Variants in ADAM20 observed in about 807,000 individuals in gnomAD.
ADAM20 encodes the protein ADAM metallopeptidase domain 20.
For synonymous variants in ADAM20, 305 were observed against 310.2 expected, an observed-to-expected ratio of 0.98 and a Z score of 0.18; for missense variants, 871 against 883.2, an observed-to-expected ratio of 0.99 and a Z score of 0.18.
At chr14:70,543,504 T>C in the ADAM20 span, among the ~76,000 whole-genome samples, 2 of 152,190 alleles carry the variant, frequency 1.3e-5, no homozygotes, top group Admixed American at 1.3e-4. Flanking sequence ...GGGTCTAGTA[T>C]GAAACACTGC....
chr14:70,576,458 G>C, the ADAM20 span, among the ~76,000 whole-genome samples: 1 of 152,042 alleles, frequency 6.6e-6, no homozygotes, highest in Non-Finnish European at 1.5e-5. Flanking sequence ...GAATAGGAAA[G>C]AAAATTAATC....
chr14:70,561,714 G>C, the ADAM20 span, among the ~76,000 whole-genome samples: 1 of 152,196 alleles, frequency 6.6e-6, no homozygotes, highest in African/African-American at 2.4e-5. Context: ...GGCTAAAAGG[G>C]GCCAAAGTAC....
chr14:70,536,425 C>T (rs1357241889), upstream of ADAM20, among the ~76,000 whole-genome samples: 2 of 116,354 alleles, frequency 1.7e-5, no homozygotes, highest in South Asian at 2.9e-4. Context: ...TAGATCACAA[C>T]ATTGCACTCC....
Position 70,523,496 on chromosome 14 carries a change from C to T in ADAM20, c.1262G>A (p.Cys421Tyr), listed in dbSNP as rs766018043. ...GNLVVEEGEE[C>Y]DCGTIRQCAK... ...ACACTGCCGTATGGTTCCACAGTCA[C>T]ATTCCTCCCCTTCTTCAACCACTAG... Residue 421 changes from cysteine to tyrosine, a missense_variant, in exon 2 of 2, where the codon TGT becomes TAT. Physicochemically the swap from Cys to Tyr is radical, Grantham distance 194. Transcript: ENST00000256389. The T allele has an allele frequency of 1.2e-5, 20 of 1,613,992 alleles. No individual in the cohort carries two copies. Among genetic ancestry groups the T allele is most frequent in the Non-Finnish European group, 1.6e-5 (19 of 1,179,982 alleles).
the ADAM20 span, among the ~76,000 whole-genome samples, chr14:70,548,495 T>C: frequency 0.71 from 10 of 14 alleles, 4 homozygotes; most frequent in African/African-American, 0.9. Flanking sequence ...GCTCGAGAAC[T>C]ACGTGAAGAA....
At chr14:70,576,220 C>T in the ADAM20 span, among the ~76,000 whole-genome samples, 1 of 152,040 alleles carries the variant, frequency 6.6e-6, no homozygotes, top group South Asian at 2.1e-4. Flanking sequence ...AAAAGTAAAA[C>T]TTTACTAACA....
At chr14:70,559,312 CTTT>C in the ADAM20 span, among the ~76,000 whole-genome samples, 217 of 147,952 alleles carry the variant, frequency 1.5e-3, no homozygotes, top group African/African-American at 4.6e-3. Flanking sequence ...TCCTTAATTC[CTTT>C]TTTTTTTCAT....
chr14:70,572,294 A>G, the ADAM20 span, among the ~76,000 whole-genome samples: 5 of 152,314 alleles, frequency 3.3e-5, no homozygotes, highest in African/African-American at 1.2e-4. Context: ...AAATAAAGCC[A>G]CACCTCTACA....
At chr14:70,577,007 T>A in the ADAM20 span, among the ~76,000 whole-genome samples, 1 of 151,952 alleles carries the variant, frequency 6.6e-6, no homozygotes, top group Non-Finnish European at 1.5e-5. Context: ...AAGAAAAGGG[T>A]AAGAAAGCCT....
At chr14:70,575,112 C>G in the ADAM20 span, among the ~76,000 whole-genome samples, 2 of 151,504 alleles carry the variant, frequency 1.3e-5, no homozygotes, top group East Asian at 3.8e-4. Context: ...TTCTAGAGAT[C>G]TGCTGCACAA....
chr14:70,578,780 T>C, the ADAM20 span, among the ~76,000 whole-genome samples: 2 of 152,120 alleles, frequency 1.3e-5, no homozygotes, highest in Admixed American at 6.6e-5. Context: ...GGACTTCTAA[T>C]GATGCTGTTG....
chr14:70,566,926 G>A, the ADAM20 span, among the ~76,000 whole-genome samples: 1 of 152,166 alleles, frequency 6.6e-6, no homozygotes, highest in South Asian at 2.1e-4. Context: ...AGGTTGCAGT[G>A]AGCCAAGATC....
chr14:70,548,966 C>A, the ADAM20 span, among the ~76,000 whole-genome samples: 9 of 106,134 alleles, frequency 8.5e-5, no homozygotes, highest in Admixed American at 7.9e-4. Flanking sequence ...TCGGCAGAAA[C>A]CCTACAAGCC....
rs1182280598 is a variant in ADAM20, at chr14:70,523,089, G to C, written c.1669C>G (p.Pro557Ala). The change falls in exon 2 of 2, where the codon CCT (proline) becomes GCT (alanine). Residue 557 changes from proline to alanine, a missense_variant. Pro to Ala is a conservative substitution (Grantham distance 27, BLOSUM62 -1). Transcript: ENST00000256389. Reference sequence around the variant, plus strand: ...TGAACCCTCCCACACATGATATCAGGGGTCCAACATTTTACATATGTTGTG... The same window carrying C: ...TGAACCCTCCCACACATGATATCAGCGGTCCAACATTTTACATATGTTGTG... ...VGTTYVKCWT[P>A]DIMCGRVQCE... The C allele has an allele frequency of 2.5e-6, 4 of 1,613,698 alleles. No homozygotes were observed. The highest frequency in any genetic ancestry group is 3.4e-6 in the Non-Finnish European group (4 of 1,179,928).
chr14:70,573,857 A>G, the ADAM20 span, among the ~76,000 whole-genome samples: 12 of 152,240 alleles, frequency 7.9e-5, no homozygotes, highest in African/African-American at 2.7e-4. Flanking sequence ...ACCCAACATC[A>G]GGGCACCTAA....
At chr14:70,544,837 T>G in the ADAM20 span, among the ~76,000 whole-genome samples, 2 of 152,086 alleles carry the variant, frequency 1.3e-5, no homozygotes, top group African/African-American at 4.8e-5. Context: ...CAATTAAAAA[T>G]AAATTTTCAA....
chr14:70,535,389 G>A, upstream of ADAM20, among the ~76,000 whole-genome samples: 1 of 152,150 alleles, frequency 6.6e-6, no homozygotes, highest in East Asian at 1.9e-4. Context: ...GATACGTCAA[G>A]GGAAAGGGAA....
chr14:70,535,845 T>C (rs1425829993), upstream of ADAM20, among the ~76,000 whole-genome samples: 3 of 152,198 alleles, frequency 2.0e-5, no homozygotes, highest in Non-Finnish European at 2.9e-5. Context: ...GGATATACTT[T>C]ATAGAATGAA....
the ADAM20 span, among the ~76,000 whole-genome samples, chr14:70,549,152 A>C: frequency 1.1e-5 from 1 of 88,666 alleles, no homozygotes; most frequent in Non-Finnish European, 2.1e-5. Context: ...CTCCTGAAGG[A>C]AGCGCTAAAC....
Sources: gnomAD v4.1 joint callset for allele counts (sites outside exome capture counted in the v4.1 genomes callset) on GRCh38, gnomAD v4.1.1 for gene constraint, MANE v1.5 for transcripts, NCBI Gene and HGNC (gene_info 2026-07-23, HGNC 2026-07-21) for gene names.